The following ARMC1 variants were observed in gnomAD, a reference collection of about 807,000 sequenced individuals.
The protein encoded by ARMC1 is armadillo repeat containing 1.
A neutral mutation model predicts 31.4 loss-of-function variants in ARMC1; 16 were observed. The ratio of observed to expected loss-of-function variants is 0.51; its 90% CI spans 0.34 to 0.77. The LOEUF (loss-of-function observed/expected upper bound fraction) is 0.77, where lower values mean the gene tolerates loss of function less well. Among genes scored for constraint, ARMC1 ranks in the 30% least tolerant of loss-of-function variants. The pLI, the probability that ARMC1 is intolerant of heterozygous loss-of-function variation, is 0.01. For missense variants in ARMC1, 259 were observed against 347.5 expected, an observed-to-expected ratio of 0.75 and a Z score of 2.02; for synonymous variants, 114 against 118.9, an observed-to-expected ratio of 0.96 and a Z score of 0.27.
chr8:65,629,821 A>C (rs1808601117), intron 1 of ARMC1, among the ~76,000 whole-genome samples: 1 of 149,538 alleles, frequency 6.7e-6, no homozygotes. Flanking sequence ...AAAAAAAATC[A>C]AAACAAAACA....
At chr8:65,616,394 C>G (rs1042173272) in intron 3 of ARMC1, among the ~76,000 whole-genome samples, 1 of 152,218 alleles carries the variant, frequency 6.6e-6, no homozygotes, top group African/African-American at 2.4e-5. Context: ...CTCGGCCTCC[C>G]GAGGTGCCGG....
intron 4 of ARMC1, among the ~76,000 whole-genome samples, chr8:65,608,298 AGGT>A (rs1808045809): frequency 6.6e-6 from 1 of 152,162 alleles, no homozygotes; most frequent in Non-Finnish European, 1.5e-5. Context: ...AGGCCGAGGC[AGGT>A]GGATCACCTG....
At chr8:65,622,725 A>C (rs545427109) in intron 2 of ARMC1, among the ~76,000 whole-genome samples, 2,782 of 151,036 alleles carry the variant, frequency 0.018, 27 homozygotes, top group African/African-American at 0.025. Flanking sequence ...GAAAAAAAAA[A>C]GGTGGCGGGG....
intron 5 of ARMC1, 37 bp downstream of exon 5, chr8:65,605,385 G>A: frequency 6.2e-7 from 1 of 1,612,288 alleles, no homozygotes; most frequent in Non-Finnish European, 8.5e-7. Flanking sequence ...TTGTTTACCT[G>A]TAATCTCAAG....
In ARMC1 at chr8:65,624,456, G is replaced by A. The variant is rs563369151; in HGVS notation, c.184-2102C>T. 2.3e-3 allele frequency among the ~76,000 whole-genome samples: 300 copies of A among 131,064 alleles called. 9 individuals are homozygous for A. The South Asian group carries it at 0.072, about 31-fold the overall frequency. 86.0% of individuals were successfully genotyped at this position (131,064 alleles called of 152,430 possible). On this transcript the variant is annotated intron_variant, in intron 2 of 6. Transcript: ENST00000276569. ...AGAGGTTGCAGTGAGCTGAGATTGC[G>A]CCACTGCACTCCAGCCTAGGTGACA...
chr8:65,626,640 A>G (rs1362489573), intron 2 of ARMC1, among the ~76,000 whole-genome samples: 1 of 152,156 alleles, frequency 6.6e-6, no homozygotes, highest in Non-Finnish European at 1.5e-5. Context: ...GTCTCTGTGT[A>G]TGATATGATC....
intron 4 of ARMC1, among the ~76,000 whole-genome samples, chr8:65,609,131 CTCTT>C (rs1309107610): frequency 1.1e-4 from 14 of 126,102 alleles, no homozygotes; most frequent in African/African-American, 3.4e-4. Context: ...TTGGTTTCTG[CTCTT>C]TTTTTTTTTT....
At chr8:65,629,671 C>A (rs1808594432) in intron 1 of ARMC1, among the ~76,000 whole-genome samples, 1 of 151,478 alleles carries the variant, frequency 6.6e-6, no homozygotes. Flanking sequence ...TGCTGGCGGG[C>A]GCCTGTAATC....
At chr8:65,626,921 C>G (rs7006180) in intron 2 of ARMC1, among the ~76,000 whole-genome samples, 93,412 of 151,336 alleles carry the variant, frequency 0.62, 29,444 homozygotes, top group South Asian at 0.7. Context: ...AGGCTGAGGT[C>G]GGGGGGATGG....
intron 1 of ARMC1, among the ~76,000 whole-genome samples, chr8:65,629,496 T>C (rs1808589875): frequency 6.6e-6 from 1 of 152,010 alleles, no homozygotes; most frequent in Admixed American, 6.6e-5. Flanking sequence ...AGATGGTGAA[T>C]ATAGTTAATA....
rs1185238361 is a variant in ARMC1 at position 65,617,741 on chromosome 8, G to A, written c.276-4308C>T. On this transcript the variant is annotated intron_variant, in intron 3 of 6. Coordinates refer to ENST00000276569, the MANE Select transcript of ARMC1 (RefSeq NM_018120.6). ...CTGTTGGGTACTACGCTCACTCTCC[G>A]GGTGACAGGATAATTCATGGCCCAA... is the stretch of plus-strand genomic sequence containing the variant. Among the ~76,000 whole-genome samples the A allele has an allele frequency of 3.3e-5, 5 of 152,046 alleles. No individual in the cohort carries two copies. The South Asian group carries it at 6.2e-4, about 19-fold the overall frequency.
rs919324000 is a variant in ARMC1, at chr8:65,622,200, G to A, written c.275+63C>T. 5.3e-6 allele frequency: 7 copies of A among 1,319,596 alleles called. No homozygotes were observed. The African/African-American group carries it at 5.8e-5, about 11-fold the overall frequency. The allele number at this position is 1,319,596 out of a possible 1,614,324, so 81.7% of individuals were successfully genotyped here. A position where few individuals can be genotyped will look rare whatever the true frequency, so the allele number is the denominator to read the frequency against. ...AACCCAGCATGGGCAACATAGTGAG[G>A]CCCTGTAAGTAAGTAATATAAGTAA... is the stretch of plus-strand genomic sequence containing the variant. On this transcript the variant is annotated intron_variant, in intron 3 of 6. Transcript: ENST00000276569.
In ARMC1 at chr8:65,627,394, T is replaced by C; in HGVS notation, c.5A>G (p.Asn2Ser). The change falls in exon 2 of 7, where the codon AAT (asparagine) becomes AGT (serine). Residue 2 changes from asparagine (N) to serine (S), a missense_variant. By Grantham distance (46) the Asn-to-Ser change is conservative. This residue lies in a region of ARMC1 where 163 missense variants were observed against 186.7 expected (regional missense o/e 0.87). Transcript: ENST00000276569. Reference sequence around the variant, plus strand: ...TTCACTCATGGTGGAAGTGGAAGAATTCATCTTCTATGCCATGCACATGAA... The same window carrying C: ...TTCACTCATGGTGGAAGTGGAAGAACTCATCTTCTATGCCATGCACATGAA... M[N>S]SSTSTMSEEP... 6.3e-7 allele frequency: 1 copy of C among 1,575,538 alleles called. No individual in the cohort carries two copies. The highest frequency in any genetic ancestry group is 8.6e-7 in the Non-Finnish European group (1 of 1,159,832).
intron 4 of ARMC1, among the ~76,000 whole-genome samples, chr8:65,607,712 A>G (rs1054783458): frequency 1.3e-4 from 20 of 152,322 alleles, no homozygotes; most frequent in African/African-American, 4.8e-4. Context: ...TAAAGTTCCA[A>G]AATCATCAGA....
chr8:65,631,840 C>G lies in ARMC1; in HGVS notation c.-36+2158G>C, dbSNP rs1445795124. ...GTGCTATGATCTTGCCTGTGAACAG[C>G]CACTTTACTACAGCATGGACAACAT... On this transcript the variant is annotated intron_variant, in intron 1 of 6. Coordinates refer to ENST00000276569, the MANE Select transcript of ARMC1 (RefSeq NM_018120.6). 2.0e-5 allele frequency among the ~76,000 whole-genome samples: 3 copies of G among 150,202 alleles called. 1 individual carries two copies. The highest frequency in any genetic ancestry group is 2.0e-4 in the East Asian group (1 of 5,108).
chr8:65,615,624 T>C (rs951847719), intron 3 of ARMC1, among the ~76,000 whole-genome samples: 1 of 152,066 alleles, frequency 6.6e-6, no homozygotes, highest in African/African-American at 2.4e-5. Context: ...GGAGAATCAC[T>C]TGGACCTGGG....
At chr8:65,604,854 C>A (rs115554303) in intron 6 of ARMC1, among the ~76,000 whole-genome samples, 1 of 152,148 alleles carries the variant, frequency 6.6e-6, no homozygotes, top group Non-Finnish European at 1.5e-5. Flanking sequence ...AGCCATGGAA[C>A]CTCCCATCTA....
At chr8:65,614,610 C>T (rs1191212683) in intron 3 of ARMC1, among the ~76,000 whole-genome samples, 4 of 152,206 alleles carry the variant, frequency 2.6e-5, no homozygotes, top group African/African-American at 9.7e-5. Flanking sequence ...AATGTACACT[C>T]AAGGCCTTAA....
chr8:65,603,546 C>G lies in ARMC1; in HGVS notation c.*848G>C, dbSNP rs1281271496. 1 of 151,978 alleles carries G rather than the reference C, an allele frequency of 6.6e-6. No individual in the cohort carries two copies. The highest frequency in any genetic ancestry group is 1.9e-4 in the East Asian group (1 of 5,196). The allele number at this position is 151,978 out of a possible 1,614,324, so 9.4% of individuals were successfully genotyped here. A position where few individuals can be genotyped will look rare whatever the true frequency, so the allele number is the denominator to read the frequency against. The stretch of plus-strand genomic sequence containing the variant: ...CTTTACTACCATTATTTTTTTCTAG[C>G]CGGAGATAACGTATAATCACAAAGT... On this transcript the variant is annotated 3_prime_UTR_variant, in exon 7 of 7. Coordinates refer to ENST00000276569, the MANE Select transcript of ARMC1 (RefSeq NM_018120.6).
Sources: gnomAD v4.1 joint callset for allele counts (sites outside exome capture counted in the v4.1 genomes callset) on GRCh38, gnomAD v4.1.1 for gene constraint, gnomAD v4.1.1 regional missense constraint, MANE v1.5 for transcripts, NCBI Gene and HGNC (gene_info 2026-07-23, HGNC 2026-07-21) for gene names.